Variants in SLC16A12 observed in about 807,000 individuals in gnomAD.
The protein encoded by SLC16A12 is monocarboxylate transporter 12.
SLC16A12 carries 17 observed loss-of-function variants against 42.4 expected under a neutral mutation model. That is an observed-to-expected ratio of 0.40 (90% CI 0.27 to 0.60). The LOEUF (loss-of-function observed/expected upper bound fraction) is 0.60. Among genes scored for constraint, SLC16A12 ranks in the 20% least tolerant of loss-of-function variants. SLC16A12 has a pLI of 0.42. For synonymous variants in SLC16A12, 224 were observed against 229.4 expected (o/e 0.98, Z 0.21); for missense variants, 544 against 623.0 (o/e 0.87, Z 1.35).
At chr10:89,539,001 T>C (rs569270323), upstream of SLC16A12, among the ~76,000 whole-genome samples, 9 of 152,338 alleles carry the variant, frequency 5.9e-5, no homozygotes, top group South Asian at 1.7e-3. Context: ...GGCCTGTCTT[T>C]AGTAAGAATC....
chr10:89,547,683 C>T (rs1214657989), intron 2 of SLC16A12, among the ~76,000 whole-genome samples: 1 of 152,106 alleles, frequency 6.6e-6, no homozygotes, highest in Non-Finnish European at 1.5e-5. Context: ...AGGAAGTCAA[C>T]ACTTGCTAGA....
chr10:89,515,551 G>A (rs1427418902), intron 2 of SLC16A12, among the ~76,000 whole-genome samples: 5 of 152,170 alleles, frequency 3.3e-5, no homozygotes, highest in Non-Finnish European at 5.9e-5. Flanking sequence ...CTGAAGATAA[G>A]TGCAGTTCCA....
intron 3 of SLC16A12, among the ~76,000 whole-genome samples, chr10:89,459,317 A>T (rs554253506): frequency 1.2e-3 from 122 of 99,096 alleles, no homozygotes; most frequent in South Asian, 2.0e-3. Flanking sequence ...CAGTTTTTTT[A>T]AAAAAAAAAA....
chr10:89,463,563 T>C (rs1842337781), intron 2 of SLC16A12, among the ~76,000 whole-genome samples: 1 of 152,274 alleles, frequency 6.6e-6, no homozygotes, highest in Middle Eastern at 3.4e-3. Flanking sequence ...GTTCTCTAGA[T>C]AGGAAAACTC....
intron 7 of SLC16A12, 26 bp downstream of exon 7, chr10:89,436,034 G>A (rs546084290): frequency 1.9e-6 from 3 of 1,613,202 alleles, no homozygotes; most frequent in African/African-American, 2.7e-5. Flanking sequence ...AGAAAAGGTG[G>A]TTGGGGTTTC....
intron 2 of SLC16A12, among the ~76,000 whole-genome samples, chr10:89,541,799 A>T (rs899643725): frequency 4.6e-5 from 7 of 151,980 alleles, no homozygotes; most frequent in East Asian, 3.9e-4. Flanking sequence ...GACAATCAAA[A>T]TTTTTTTCAG....
rs1354377389 is a variant in SLC16A12, at chr10:89,436,892, G to T, written c.1029-573C>A. Among the ~76,000 whole-genome samples the T allele has an allele frequency of 4.1e-5, 6 of 148,082 alleles. No homozygotes were observed. The East Asian group carries it at 9.8e-4, about 24-fold the overall frequency. ...AAAAAGAAAGAAAGAAAGAAAGAAA[G>T]AAAGAAAGAAAGAAAGAAAGAAAAA... On this transcript the variant is annotated intron_variant, in intron 6 of 7. Transcript: ENST00000371790.
At chr10:89,528,412 C>A (rs1260528019) in intron 2 of SLC16A12, among the ~76,000 whole-genome samples, 1 of 152,056 alleles carries the variant, frequency 6.6e-6, no homozygotes, top group African/African-American at 2.4e-5. Context: ...GTACCACAAT[C>A]ATCAAAAACT....
At chr10:89,487,747 G>A (rs1046810789) in intron 2 of SLC16A12, among the ~76,000 whole-genome samples, 1 of 136,596 alleles carries the variant, frequency 7.3e-6, no homozygotes, top group Non-Finnish European at 1.5e-5. Context: ...GGGAGGCAGA[G>A]TTTGCTGTGA....
At chr10:89,522,285 T>G (rs1240994230) in intron 2 of SLC16A12, among the ~76,000 whole-genome samples, 1 of 152,194 alleles carries the variant, frequency 6.6e-6, no homozygotes, top group Non-Finnish European at 1.5e-5. Flanking sequence ...TTGCACCTGG[T>G]TTTCAACCCC....
At chr10:89,503,859 T>G (rs913023600) in intron 2 of SLC16A12, among the ~76,000 whole-genome samples, 2 of 152,100 alleles carry the variant, frequency 1.3e-5, no homozygotes, top group African/African-American at 4.8e-5. Context: ...GGAAGACAAG[T>G]CTATCACCAG....
upstream of SLC16A12, among the ~76,000 whole-genome samples, chr10:89,535,814 G>C (rs1041918522): frequency 6.6e-6 from 1 of 152,038 alleles, no homozygotes; most frequent in African/African-American, 2.4e-5. Flanking sequence ...CGGTGGGGCG[G>C]GGAGCGGACT....
intron 6 of SLC16A12, among the ~76,000 whole-genome samples, chr10:89,436,854 G>GAAATAAAGAAAAA (rs1841797834): frequency 8.6e-6 from 1 of 115,986 alleles, no homozygotes; most frequent in Non-Finnish European, 1.9e-5. Context: ...AGAAAGAAAA[G>GAAATAAAGAAAAA]AAAGAAATAA....
At chr10:89,516,492 G>A (rs530349737) in intron 2 of SLC16A12, among the ~76,000 whole-genome samples, 96 of 152,238 alleles carry the variant, frequency 6.3e-4, no homozygotes, top group African/African-American at 2.2e-3. Context: ...CTGGTGATTT[G>A]GTTAGCACCA....
At chr10:89,502,158 A>G in intron 2 of SLC16A12, among the ~76,000 whole-genome samples, 1 of 152,092 alleles carries the variant, frequency 6.6e-6, no homozygotes, top group Non-Finnish European at 1.5e-5. Context: ...ATTCAGGCAA[A>G]AGTGATGCCC....
chr10:89,506,296 G>T (rs1440416776), intron 2 of SLC16A12, among the ~76,000 whole-genome samples: 1 of 152,156 alleles, frequency 6.6e-6, no homozygotes, highest in Non-Finnish European at 1.5e-5. Context: ...CTCCCAGTAG[G>T]GGCTGACAGA....
chr10:89,498,558 TAAG>T (rs1842954698), intron 2 of SLC16A12, among the ~76,000 whole-genome samples: 1 of 152,166 alleles, frequency 6.6e-6, no homozygotes, highest in Non-Finnish European at 1.5e-5. Flanking sequence ...TTTAAAATGT[TAAG>T]AAATAGAAAG....
chr10:89,502,993 G>A (rs1358788312), intron 2 of SLC16A12, among the ~76,000 whole-genome samples: 2 of 152,150 alleles, frequency 1.3e-5, no homozygotes, highest in Non-Finnish European at 2.9e-5. Flanking sequence ...AGGATCAGCG[G>A]GTTCCTATTT....
At chr10:89,520,707 G>T (rs1843336416) in intron 2 of SLC16A12, among the ~76,000 whole-genome samples, 1 of 135,516 alleles carries the variant, frequency 7.4e-6, no homozygotes, top group African/African-American at 3.0e-5. Flanking sequence ...TGCCATTACT[G>T]GGTCACATAG....
Sources: gnomAD v4.1 joint callset for allele counts (sites outside exome capture counted in the v4.1 genomes callset) on GRCh38, gnomAD v4.1.1 for gene constraint, MANE v1.5 for transcripts, NCBI Gene and HGNC (gene_info 2026-07-23, HGNC 2026-07-21) for gene names.